LIG1: variants seen among roughly 807,000 people sequenced by gnomAD.
The protein encoded by LIG1 is ligase I, DNA, ATP-dependent.
In LIG1, 70 loss-of-function variants were observed where a neutral mutation model predicts 115.7. That is an observed-to-expected ratio of 0.60 (90% CI 0.50 to 0.74). The LOEUF (loss-of-function observed/expected upper bound fraction) is 0.74, where lower values mean the gene tolerates loss of function less well. Ranked by LOEUF, LIG1 falls within the 30% of genes least tolerant of loss-of-function variation. LIG1 has a pLI of 0.00. For missense variants in LIG1, 1,115 were observed against 1,225.6 expected (o/e 0.91, Z 1.35); for synonymous variants, 487 against 495.3 (o/e 0.98, Z 0.22).
chr19:48,127,222 T>G, intron 21 of LIG1, 55 bp downstream of exon 21: 1 of 1,444,800 alleles, frequency 6.9e-7, no homozygotes, highest in Non-Finnish European at 9.7e-7. Context: ...GCTGCCAGGC[T>G]CACACCCCAC....
chr19:48,133,291 A>G (rs1294166556), intron 17 of LIG1, 194 bp from the exon 18 acceptor site: 4 of 600,298 alleles, frequency 6.7e-6, no homozygotes, highest in African/African-American at 1.9e-5. Context: ...TCCAGGTGGG[A>G]AAGGCCATGT....
chr19:48,130,254 G>A (rs1024733728), intron 19 of LIG1, among the ~76,000 whole-genome samples: 2 of 152,206 alleles, frequency 1.3e-5, no homozygotes, highest in African/African-American at 2.4e-5. Context: ...CCCCTAACAC[G>A]TGCACTGAAC....
chr19:48,149,884 G>T, intron 8 of LIG1, 43 bp from the exon 9 acceptor site: 2 of 1,589,198 alleles, frequency 1.3e-6, no homozygotes, highest in Non-Finnish European at 1.7e-6. Flanking sequence ...TCTCCTTCCG[G>T]TAGCCCCCAC....
intron 21 of LIG1, 118 bp from the exon 22 acceptor site, chr19:48,123,436 A>T: frequency 8.1e-7 from 1 of 1,242,044 alleles, no homozygotes; most frequent in Non-Finnish European, 1.1e-6. Flanking sequence ...GGGTTCGTGG[A>T]AAGCCTTGAG....
Position 48,139,999 on chromosome 19 carries a change from G to A in LIG1, c.1059C>T (p.Val353=). The part of the protein sequence containing the change: ...QGLELGVGDG[V]LLKAVAQATG... The stretch of plus-strand genomic sequence containing the variant: ...TGGCCTGGGCCACTGCCTTGAGAAG[G>A]ACACCATCACCCACGCCAAGCTCCA... The change falls in exon 12 of 28, where the codon GTC becomes GTT. Residue 353 remains valine (V), a synonymous_variant. Coordinates refer to ENST00000263274, the MANE Select transcript of LIG1 (RefSeq NM_000234.3). 6.2e-7 allele frequency: 1 copy of A among 1,614,168 alleles called. No individual in the cohort carries two copies. The highest frequency in any genetic ancestry group is 1.3e-5 in the African/African-American group (1 of 75,056).
chr19:48,155,847 C>CGG (rs1363145431), intron 5 of LIG1, among the ~76,000 whole-genome samples: 4 of 152,154 alleles, frequency 2.6e-5, no homozygotes, highest in Non-Finnish European at 5.9e-5. Context: ...AAAGCTGTTC[C>CGG]AAAATGATGT....
At chr19:48,154,230 A>C in intron 5 of LIG1, 1 of 458,130 alleles carries the variant, frequency 2.2e-6, no homozygotes, top group South Asian at 2.0e-5. Context: ...CGAGTAAACA[A>C]TGATGTAATG....
At chr19:48,166,975 GAAAGAA>G (rs2036518272) in intron 1 of LIG1, among the ~76,000 whole-genome samples, 1 of 113,330 alleles carries the variant, frequency 8.8e-6, no homozygotes, top group African/African-American at 4.1e-5. Context: ...AAAAAAAAAA[GAAAGAA>G]AAAGAAAGAA....
chr19:48,153,773 C>CACACACAA, intron 6 of LIG1, 99 bp downstream of exon 6: 2 of 339,304 alleles, frequency 5.9e-6, no homozygotes, highest in Non-Finnish European at 1.0e-5. Context: ...CACACACACA[C>CACACACAA]CTCTCCTTCT....
At position 48,133,080 on chromosome 19, in the gene LIG1, T is replaced by C. The variant is rs1255809737; in HGVS notation, c.1627A>G (p.Met543Val). 1.9e-5 allele frequency: 30 copies of C among 1,613,406 alleles called. No homozygotes were observed. Among genetic ancestry groups the C allele is most frequent in the Admixed American group, 1.7e-4 (10 of 60,002 alleles). The change falls in exon 18 of 28, where the codon ATG becomes GTG. Residue 543 changes from methionine to valine, a missense_variant. Met to Val is a conservative substitution (Grantham distance 21). Coordinates refer to ENST00000263274, the MANE Select transcript of LIG1 (RefSeq NM_000234.3). ...KLSPGIPLKP[M>V]LAHPTRGISE... ...ATGCCCCGGGTGGGATGGGCCAACATTGGTTTCAGGGGAATCCCTGGGAAA... is the reference window on the plus strand; with the variant it reads ...ATGCCCCGGGTGGGATGGGCCAACACTGGTTTCAGGGGAATCCCTGGGAAA...
chr19:48,144,825 C>G (rs531099631), intron 9 of LIG1, among the ~76,000 whole-genome samples: 34 of 152,268 alleles, frequency 2.2e-4, no homozygotes, highest in African/African-American at 8.2e-4. Flanking sequence ...TTCTAACTTC[C>G]TTTTCCGGAT....
chr19:48,124,126 G>T (rs2122413315), intron 21 of LIG1, among the ~76,000 whole-genome samples: 1 of 152,268 alleles, frequency 6.6e-6, no homozygotes, highest in Non-Finnish European at 1.5e-5. Flanking sequence ...CAGTGTTTCT[G>T]GTCTGCCCTT....
chr19:48,163,063 C>T (rs2036275914), intron 2 of LIG1, among the ~76,000 whole-genome samples: 1 of 151,342 alleles, frequency 6.6e-6, no homozygotes, highest in Admixed American at 6.6e-5. Flanking sequence ...TACAGGTGCC[C>T]ACCACAACGC....
At chr19:48,156,085 A>G (rs1415342847) in intron 5 of LIG1, among the ~76,000 whole-genome samples, 1 of 152,176 alleles carries the variant, frequency 6.6e-6, no homozygotes, top group Non-Finnish European at 1.5e-5. Flanking sequence ...CTTAGGACAA[A>G]GACGCTGTTC....
intron 21 of LIG1, 50 bp downstream of exon 21, chr19:48,127,227 C>T (rs771899414): frequency 6.7e-7 from 1 of 1,487,670 alleles, no homozygotes; most frequent in East Asian, 2.3e-5. Context: ...CAGGCTCACA[C>T]CCCACCCCGT....
chr19:48,143,505 C>CGGGGGGGGGGGGCGGGGGGGGG, intron 11 of LIG1, 38 bp downstream of exon 11: 1 of 850,466 alleles, frequency 1.2e-6, no homozygotes, highest in Non-Finnish European at 2.0e-6. Context: ...GACCCAGAAG[C>CGGGGGGGGGGGGCGGGGGGGGG]GACCCCGCCC....
chr19:48,127,356 G>A lies in LIG1; in HGVS notation c.1933-8C>T, dbSNP rs758414016. ...CTCAGACGCATCCACCTCCTGGGTT[G>A]GGGCACAACGGAGTTCGTGAGTGCA... On this transcript the variant is annotated splice_polypyrimidine_tract_variant and splice_region_variant and intron_variant, in intron 20 of 27. Coordinates refer to ENST00000263274, the MANE Select transcript of LIG1 (RefSeq NM_000234.3). 8 of 1,611,986 alleles carry A rather than the reference G, an allele frequency of 5.0e-6. No individual in the cohort carries two copies. Among genetic ancestry groups the A allele is most frequent in the Non-Finnish European group, 6.8e-6 (8 of 1,179,834 alleles).
intron 6 of LIG1, among the ~76,000 whole-genome samples, chr19:48,153,637 AACAC>A (rs36171813): frequency 0.15 from 8,680 of 58,624 alleles, 832 homozygotes; most frequent in East Asian, 0.19. Context: ...GCAGATCCAA[AACAC>A]ACACACACAC....
At chr19:48,130,785 C>G (rs1013202305) in intron 19 of LIG1, among the ~76,000 whole-genome samples, 2 of 152,176 alleles carry the variant, frequency 1.3e-5, no homozygotes, top group African/African-American at 2.4e-5. Flanking sequence ...AGCATTGGCA[C>G]TAAAAGCCAA....
Sources: gnomAD v4.1 joint callset for allele counts (sites outside exome capture counted in the v4.1 genomes callset) on GRCh38, gnomAD v4.1.1 for gene constraint, MANE v1.5 for transcripts, NCBI Gene and HGNC (gene_info 2026-07-23, HGNC 2026-07-21) for gene names.